The following ZMYND8 variants were observed in gnomAD, a reference collection of about 807,000 sequenced individuals.
ZMYND8 encodes MYND-type zinc finger-containing chromatin reader ZMYND8.
Under a neutral mutation model 140.8 loss-of-function variants are expected in ZMYND8, and 37 were observed. The ratio of observed to expected loss-of-function variants is 0.26; its 90% confidence interval spans 0.20 to 0.35. The LOEUF (loss-of-function observed/expected upper bound fraction) is 0.35, where lower values mean the gene tolerates loss of function less well. Among genes scored for constraint, ZMYND8 ranks in the 10% least tolerant of loss-of-function variants. ZMYND8 has a pLI of 1.00. For synonymous variants in ZMYND8, 592 were observed against 597.1 expected, an observed-to-expected ratio of 0.99 and a Z score of 0.12; for missense variants, 1,068 against 1,570.0, an observed-to-expected ratio of 0.68 and a Z score of 5.40.
At chr20:47,277,453 T>C (rs1304486042) in intron 10 of ZMYND8, among the ~76,000 whole-genome samples, 2 of 152,304 alleles carry the variant, frequency 1.3e-5, no homozygotes, top group African/African-American at 4.8e-5. Context: ...CCAGAGCCAG[T>C]GGCCCCCGGG....
intron 2 of ZMYND8, chr20:47,319,150 G>T (rs1161953023): frequency 1.3e-6 from 1 of 761,812 alleles, no homozygotes; most frequent in Admixed American, 2.6e-5. Flanking sequence ...AGGTCGCCCG[G>T]CGGGGCAAGG....
chr20:47,319,204 C>G lies in ZMYND8; in HGVS notation c.86-9000G>C, dbSNP rs372400927. Reference sequence around the variant, plus strand: ...AATCAGGCAGTCTGAAACCCAGCGACTTGCCTTCATGTCCCCGGGCTTTCG... The same window carrying G: ...AATCAGGCAGTCTGAAACCCAGCGAGTTGCCTTCATGTCCCCGGGCTTTCG... On this transcript the variant is annotated intron_variant, in intron 2 of 22. Coordinates refer to ENST00000471951, the MANE Select transcript of ZMYND8 (RefSeq NM_001281775.3). The G allele has an allele frequency of 3.5e-5, 14 of 398,488 alleles. No individual in the cohort carries two copies. The East Asian group carries it at 4.4e-4, about 12-fold the overall frequency. The allele number at this position is 398,488 out of a possible 1,614,324, so 24.7% of individuals were successfully genotyped here.
At position 47,318,968 on chromosome 20, in the gene ZMYND8, C is replaced by T. The variant is rs779138339; in HGVS notation, c.86-8764G>A. 20 of 1,351,082 alleles carry T rather than the reference C, an allele frequency of 1.5e-5. No individual in the cohort carries two copies. In the East Asian group the frequency reaches 3.2e-4, roughly 22 times the overall value. The allele number at this position is 1,351,082 out of a possible 1,614,324, so 83.7% of individuals were successfully genotyped here. A position where few individuals can be genotyped will look rare whatever the true frequency, so the allele number is the denominator to read the frequency against. On this transcript the variant is annotated intron_variant, in intron 2 of 22. Transcript: ENST00000471951. ...GCACTTACCTGCCATTGAGAAAGTG[C>T]GGCTGCTCAGAGGGCCTAGCCTCTC...
intron 2 of ZMYND8, among the ~76,000 whole-genome samples, chr20:47,345,571 G>A (rs1018864989): frequency 6.6e-6 from 1 of 151,236 alleles, no homozygotes; most frequent in African/African-American, 2.4e-5. Flanking sequence ...GCAAAGGCGT[G>A]GTCTTGGCTC....
chr20:47,291,727 C>T, intron 6 of ZMYND8, 69 bp downstream of exon 6: 3 of 1,217,510 alleles, frequency 2.5e-6, no homozygotes, highest in Non-Finnish European at 3.5e-6. Context: ...AGAGCATAGG[C>T]AGTGAGGGAA....
At chr20:47,232,738 A>C (rs1352264716) in intron 16 of ZMYND8, among the ~76,000 whole-genome samples, 3 of 152,134 alleles carry the variant, frequency 2.0e-5, no homozygotes, top group African/African-American at 7.2e-5. Context: ...AGAACAAGAG[A>C]TCATTCAGGC....
rs1601019384 is a variant in ZMYND8, at chr20:47,229,153, T to C, written c.2937+573A>G. The stretch of plus-strand genomic sequence containing the variant: ...CACACCACCATCTCCTGCTTGTTTT[T>C]TTAAAATTTTTGTAGAAATGGGGTT... On this transcript the variant is annotated intron_variant, in intron 17 of 22. Coordinates refer to ENST00000471951, the MANE Select transcript of ZMYND8 (RefSeq NM_001281775.3). 2.6e-5 allele frequency among the ~76,000 whole-genome samples: 4 copies of C among 151,178 alleles called. No homozygotes were observed. The Admixed American group carries it at 2.7e-4, about 10-fold the overall frequency.
At chr20:47,262,518 T>C in intron 11 of ZMYND8, 90 bp from the exon 12 acceptor site, 6 of 1,539,236 alleles carry the variant, frequency 3.9e-6, no homozygotes, top group Non-Finnish European at 5.3e-6. Flanking sequence ...GGAGAGATTA[T>C]GAAATTGTGT....
intron 2 of ZMYND8, among the ~76,000 whole-genome samples, chr20:47,322,053 GT>G (rs1160338598): frequency 2.0e-5 from 3 of 151,758 alleles, no homozygotes; most frequent in African/African-American, 7.3e-5. Context: ...TAGAGAAGGG[GT>G]CTCGCCATGT....
chr20:47,228,302 G>A (rs1044572847), intron 17 of ZMYND8, among the ~76,000 whole-genome samples: 4 of 152,204 alleles, frequency 2.6e-5, no homozygotes, highest in African/African-American at 9.6e-5. Flanking sequence ...GAAATTATCT[G>A]GTTCAAACGT....
intron 2 of ZMYND8, among the ~76,000 whole-genome samples, chr20:47,327,919 A>G (rs1051718038): frequency 6.6e-6 from 1 of 152,072 alleles, no homozygotes. Flanking sequence ...GGCTCAAGTG[A>G]TCCTCCGGCC....
rs1401222439 is a variant in ZMYND8 at position 47,238,930 on chromosome 20, G to C, written c.2493C>G (p.Ala831=). 6.2e-7 allele frequency: 1 copy of C among 1,614,106 alleles called. No homozygotes were observed. The highest frequency in any genetic ancestry group is 1.7e-5 in the Admixed American group (1 of 60,030). ...KQRPLLPKET[A]PAVQRVVWNS... The stretch of plus-strand genomic sequence containing the variant: ...TCCACACGACCCGCTGCACGGCCGG[G>C]GCAGTCTCCTTCGGTAAAAGCGGCC... Residue 831 remains alanine, a synonymous_variant, in exon 15 of 23, where the codon GCC becomes GCG. Coordinates refer to ENST00000471951, the MANE Select transcript of ZMYND8 (RefSeq NM_001281775.3).
At chr20:47,306,192 A>G (rs2078465760) in intron 3 of ZMYND8, among the ~76,000 whole-genome samples, 1 of 152,158 alleles carries the variant, frequency 6.6e-6, no homozygotes, top group Non-Finnish European at 1.5e-5. Flanking sequence ...GTTCGAGACC[A>G]ACCAGGGCAA....
intron 2 of ZMYND8, among the ~76,000 whole-genome samples, chr20:47,327,195 T>C (rs578023919): frequency 1.4e-3 from 206 of 152,066 alleles, no homozygotes; most frequent in Non-Finnish European, 2.4e-3. Context: ...TTTGTATTTT[T>C]AGTAGAGATG....
chr20:47,228,253 T>C (rs2037979127), intron 17 of ZMYND8, among the ~76,000 whole-genome samples: 1 of 152,210 alleles, frequency 6.6e-6, no homozygotes, highest in Admixed American at 6.5e-5. Flanking sequence ...ACAGGGATGC[T>C]GCTCAACATC....
At position 47,247,235 on chromosome 20, in the gene ZMYND8, C is replaced by T. The variant is rs190842761; in HGVS notation, c.1775-718G>A. On this transcript the variant is annotated intron_variant, in intron 13 of 22. Transcript: ENST00000471951. ...AAAGCAGGGGCTTCTGATGAAAGAGCGGAAAATCTAGCCGCTCTGGGTCAC... is the reference window on the plus strand; with the variant it reads ...AAAGCAGGGGCTTCTGATGAAAGAGTGGAAAATCTAGCCGCTCTGGGTCAC... Among the ~76,000 whole-genome samples, 218 of 152,326 alleles carry T rather than the reference C, an allele frequency of 1.4e-3. 1 individual carries two copies. The highest frequency in any genetic ancestry group is 4.7e-3 in the African/African-American group (197 of 41,572).
At chr20:47,290,377 T>C (rs1225572483) in intron 6 of ZMYND8, 103 bp from the exon 7 acceptor site, 1 of 913,696 alleles carries the variant, frequency 1.1e-6, no homozygotes, top group Non-Finnish European at 1.7e-6. Context: ...ATTTGCCAAA[T>C]CAATTAGTGT....
rs183361130 is a variant in ZMYND8, at chr20:47,313,962, T to C, written c.86-3758A>G. On this transcript the variant is annotated intron_variant, in intron 2 of 22. Transcript: ENST00000471951. ...AAATTAATAATAAATAAAGTGTATCTAGCACCATTAATGGACCAATATTCC... is the reference window on the plus strand; with the variant it reads ...AAATTAATAATAAATAAAGTGTATCCAGCACCATTAATGGACCAATATTCC... 5.9e-5 allele frequency among the ~76,000 whole-genome samples: 9 copies of C among 152,142 alleles called. No individual in the cohort carries two copies. The East Asian group carries it at 9.7e-4, about 16-fold the overall frequency.
intron 12 of ZMYND8, among the ~76,000 whole-genome samples, chr20:47,256,073 C>CAA (rs1056906641): frequency 7.4e-6 from 1 of 134,460 alleles, no homozygotes; most frequent in Non-Finnish European, 1.6e-5. Flanking sequence ...AGCTCTGTCT[C>CAA]AAAAAAAAAA....
Sources: allele counts gnomAD v4.1 joint callset (sites outside exome capture counted in the v4.1 genomes callset), GRCh38; gene constraint gnomAD v4.1.1; transcripts MANE v1.5; gene names NCBI Gene and HGNC (gene_info 2026-07-23, HGNC 2026-07-21).